PDZD2: variants seen among roughly 807,000 people sequenced by gnomAD.
PDZD2 encodes the protein PDZ domain containing 2.
Under a neutral mutation model 220.7 loss-of-function variants are expected in PDZD2, and 90 were observed. The ratio of observed to expected loss-of-function variants is 0.41; its 90% CI spans 0.34 to 0.49. The LOEUF is 0.49. Ranked by LOEUF, PDZD2 falls within the 20% of genes least tolerant of loss-of-function variation. The pLI is 0.28. For synonymous variants in PDZD2, 1,375 were observed against 1,450.5 expected, an observed-to-expected ratio of 0.95 and a Z score of 1.18; for missense variants, 3,174 against 3,608.5, an observed-to-expected ratio of 0.88 and a Z score of 3.08.
chr5:31,848,086 G>T, intron 2 of PDZD2: 1 of 331,396 alleles, frequency 3.0e-6, no homozygotes, highest in Non-Finnish European at 5.8e-6. Context: ...CCCTTGCCCA[G>T]AAGAAAGATC....
At chr5:32,014,157 G>C (rs1753544722) in intron 6 of PDZD2, among the ~76,000 whole-genome samples, 1 of 152,184 alleles carries the variant, frequency 6.6e-6, no homozygotes, top group Non-Finnish European at 1.5e-5. Context: ...TTAATCACCT[G>C]AGTTACAAAA....
intron 21 of PDZD2, among the ~76,000 whole-genome samples, chr5:32,094,963 A>G (rs897743404): frequency 3.9e-5 from 6 of 152,124 alleles, no homozygotes; most frequent in African/African-American, 7.2e-5. Flanking sequence ...TCCTCCTCCC[A>G]CTTGTTATTA....
At chr5:31,818,436 C>A (rs1292819542) in intron 2 of PDZD2, among the ~76,000 whole-genome samples, 3 of 152,166 alleles carry the variant, frequency 2.0e-5, no homozygotes, top group African/African-American at 4.8e-5. Context: ...CCCATCCTCC[C>A]CAGAGAACTG....
At chr5:32,043,329 C>T (rs879554001) in intron 7 of PDZD2, among the ~76,000 whole-genome samples, 2 of 152,220 alleles carry the variant, frequency 1.3e-5, no homozygotes, top group Admixed American at 6.5e-5. Flanking sequence ...AACAAGGAAA[C>T]GTAGCATGGA....
Position 32,089,585 on chromosome 5 carries a change from C to T in PDZD2, c.6137C>T (p.Ser2046Phe), listed in dbSNP as rs1416420220. 11 of 1,612,616 alleles carry T rather than the reference C, an allele frequency of 6.8e-6. No individual in the cohort carries two copies. The highest frequency in any genetic ancestry group is 9.3e-6 in the Non-Finnish European group (11 of 1,179,988). The stretch of plus-strand genomic sequence containing the variant: ...CCGGCAGCGTCTAGGAACGGCATGT[C>T]CGTGGCAGGGAACAGACAGAGTGAG... Reference protein sequence around the residue: ...VSPAASRNGMSVAGNRQSEPR... With the variant: ...VSPAASRNGMFVAGNRQSEPR... The change falls in exon 20 of 25, where the codon TCC becomes TTC. Residue 2046 changes from serine to phenylalanine, a missense_variant. Ser to Phe is a radical substitution (Grantham distance 155). Transcript: ENST00000438447.
At chr5:31,729,873 G>C (rs1376621505) in intron 1 of PDZD2, among the ~76,000 whole-genome samples, 1 of 152,124 alleles carries the variant, frequency 6.6e-6, no homozygotes, top group African/African-American at 2.4e-5. Context: ...TGTCACCCAG[G>C]CTGGAGGGCA....
chr5:31,703,883 T>G (rs1290944729), intron 1 of PDZD2, among the ~76,000 whole-genome samples: 1 of 152,136 alleles, frequency 6.6e-6, no homozygotes, highest in Admixed American at 6.6e-5. Context: ...ATAAATAATT[T>G]TACCCCCATA....
At chr5:31,747,724 A>G (rs1750687539) in intron 1 of PDZD2, 1 of 152,196 alleles carries the variant, frequency 6.6e-6, no homozygotes, top group South Asian at 2.1e-4. Context: ...GTGCTCAAGG[A>G]GTTGTTTTCC....
intron 14 of PDZD2, among the ~76,000 whole-genome samples, chr5:32,064,390 C>T (rs1368868964): frequency 2.6e-5 from 4 of 151,862 alleles, no homozygotes; most frequent in Admixed American, 6.6e-5. Context: ...TATAGGCGGG[C>T]GCTGCCACGC....
chr5:32,030,197 C>T (rs1426986839), intron 6 of PDZD2, among the ~76,000 whole-genome samples: 9 of 152,230 alleles, frequency 5.9e-5, no homozygotes, highest in Non-Finnish European at 1.3e-4. Context: ...TTTCCACTGC[C>T]TCTTGGCATG....
At chr5:31,753,008 G>T (rs1053685433) in intron 1 of PDZD2, among the ~76,000 whole-genome samples, 6 of 152,126 alleles carry the variant, frequency 3.9e-5, no homozygotes, top group Admixed American at 6.6e-5. Context: ...GGCACTTGAT[G>T]ATTATTATTT....
chr5:31,766,084 G>A (rs1277207486), intron 1 of PDZD2, among the ~76,000 whole-genome samples: 1 of 152,168 alleles, frequency 6.6e-6, no homozygotes, highest in African/African-American at 2.4e-5. Context: ...GGGGGCTGGG[G>A]TGGAAGAATT....
At chr5:31,651,648 T>C (rs969536485) in intron 1 of PDZD2, among the ~76,000 whole-genome samples, 26 of 152,172 alleles carry the variant, frequency 1.7e-4, no homozygotes, top group Admixed American at 1.7e-3. Context: ...ATTTATTTTT[T>C]TGAGATAAGA....
At chr5:32,075,221 G>A (rs1741179212) in intron 18 of PDZD2, among the ~76,000 whole-genome samples, 1 of 152,184 alleles carries the variant, frequency 6.6e-6, no homozygotes, top group African/African-American at 2.4e-5. Flanking sequence ...ATGATGGAAA[G>A]GCAGTGTGGC....
intron 17 of PDZD2, among the ~76,000 whole-genome samples, 185 bp downstream of exon 17, chr5:32,072,502 G>A (rs191399798): frequency 3.7e-4 from 57 of 152,328 alleles, no homozygotes; most frequent in African/African-American, 1.2e-3. Context: ...AGGCCGAGGC[G>A]GGGGGATCAC....
rs1561108607 is a variant in PDZD2, at chr5:31,929,780, CTA to C, written c.477-53373_477-53372del. ...AAAAAAAAAGCAGCGGCTAGCATGA[CTA>C]TCTGTGGGTTTCATGATGCAGGCAT... On this transcript the variant is annotated intron_variant, in intron 2 of 24. Transcript: ENST00000438447. 5.3e-5 allele frequency among the ~76,000 whole-genome samples: 8 copies of C among 152,046 alleles called. No individual in the cohort carries two copies. In the East Asian group the frequency reaches 1.5e-3, roughly 29 times the overall value.
At chr5:31,737,318 G>A (rs998966140) in intron 1 of PDZD2, among the ~76,000 whole-genome samples, 8 of 151,712 alleles carry the variant, frequency 5.3e-5, no homozygotes, top group South Asian at 2.1e-4. Context: ...GACTACAGGC[G>A]CCCACCACCA....
intron 2 of PDZD2, among the ~76,000 whole-genome samples, chr5:31,903,659 A>G (rs1742343119): frequency 6.8e-6 from 1 of 147,718 alleles, no homozygotes; most frequent in African/African-American, 2.5e-5. Flanking sequence ...AAAAAAAAAA[A>G]AAAAGAAAGA....
intron 1 of PDZD2, among the ~76,000 whole-genome samples, chr5:31,651,687 A>G (rs987855241): frequency 2.6e-5 from 4 of 152,058 alleles, no homozygotes; most frequent in African/African-American, 9.7e-5. Context: ...GCTGGAGTGC[A>G]GTGGCATGAT....
Sources: allele counts gnomAD v4.1 joint callset (sites outside exome capture counted in the v4.1 genomes callset), GRCh38; gene constraint gnomAD v4.1.1; transcripts MANE v1.5; gene names NCBI Gene and HGNC (gene_info 2026-07-23, HGNC 2026-07-21).